Variants in PTPRD observed in about 807,000 individuals in gnomAD.
PTPRD encodes the protein protein tyrosine phosphatase receptor type D, also known as receptor-type tyrosine-protein phosphatase delta.
In PTPRD, 34 loss-of-function variants were observed where a neutral mutation model predicts 214.5. That is an observed-to-expected ratio of 0.16 (90% CI 0.12 to 0.21). PTPRD has a LOEUF of 0.21. PTPRD is among the 10% of genes least tolerant of loss of function. The pLI, the probability that PTPRD is intolerant of heterozygous loss-of-function variation, is 1.00. For synonymous variants in PTPRD, 1,128 were observed against 845.7 expected, an observed-to-expected ratio of 1.33 and a Z score of -5.79; for missense variants, 2,545 against 2,398.7, an observed-to-expected ratio of 1.06 and a Z score of -1.27.
intron 11 of PTPRD, among the ~76,000 whole-genome samples, chr9:8,831,571 G>A (rs1296093454): frequency 1.3e-5 from 2 of 152,052 alleles, no homozygotes; most frequent in Non-Finnish European, 2.9e-5. Context: ...AAACAACTGG[G>A]TGAGCAATAT....
chr9:9,060,542 T>C (rs1415292567), intron 10 of PTPRD, among the ~76,000 whole-genome samples: 1 of 151,952 alleles, frequency 6.6e-6, no homozygotes, highest in East Asian at 1.9e-4. Context: ...TTCTGTTCAA[T>C]GAAAGAAACT....
intron 11 of PTPRD, among the ~76,000 whole-genome samples, chr9:9,006,390 A>G (rs1414480862): frequency 6.6e-6 from 1 of 152,052 alleles, no homozygotes; most frequent in East Asian, 1.9e-4. Context: ...AAGAAAGTCT[A>G]TTTATGTTAA....
chr9:9,955,145 C>T (rs566387292), intron 4 of PTPRD, among the ~76,000 whole-genome samples: 1 of 152,122 alleles, frequency 6.6e-6, no homozygotes, highest in Non-Finnish European at 1.5e-5. Flanking sequence ...GTAGTCAGGT[C>T]CTCTTAAGTA....
chr9:8,811,791 G>A (rs962856243), intron 11 of PTPRD, among the ~76,000 whole-genome samples: 2 of 152,120 alleles, frequency 1.3e-5, no homozygotes, highest in Admixed American at 6.5e-5. Context: ...TACTGAAACT[G>A]GATTTTTCTT....
At chr9:8,453,935 G>A (rs1312155758) in intron 33 of PTPRD, among the ~76,000 whole-genome samples, 3 of 152,028 alleles carry the variant, frequency 2.0e-5, no homozygotes, top group Non-Finnish European at 4.4e-5. Flanking sequence ...ATTTTAATCG[G>A]GAATTTATAT....
intron 5 of PTPRD, among the ~76,000 whole-genome samples, chr9:9,836,731 C>A (rs898455982): frequency 6.6e-6 from 1 of 152,094 alleles, no homozygotes; most frequent in Non-Finnish European, 1.5e-5. Flanking sequence ...TGAATTTGAG[C>A]AAGTTATATA....
chr9:8,486,147 T>C lies in PTPRD; in HGVS notation c.2670A>G (p.Ser890=), dbSNP rs182231371. ...FTATDIHKGA[S]YVFRLSARNK... ...TTCTGGCTGAGAGCCTGAAGACGTA[T>C]GATGCTCCCTTGTGGATGTCTGTAG... The change falls in exon 28 of 46, where the codon TCA becomes TCG. Residue 890 remains serine, a synonymous_variant. Coordinates refer to ENST00000381196, the MANE Select transcript of PTPRD (RefSeq NM_002839.4). 4 of 1,614,222 alleles carry C rather than the reference T, an allele frequency of 2.5e-6. No individual in the cohort carries two copies. The highest frequency in any genetic ancestry group is 2.2e-5 in the East Asian group (1 of 44,878).
intron 35 of PTPRD, among the ~76,000 whole-genome samples, chr9:8,416,074 G>GA (rs5896245): frequency 0.5 from 75,243 of 151,354 alleles, 19,156 homozygotes; most frequent in East Asian, 0.72. Flanking sequence ...CCTTAAAAGT[G>GA]AAAAAAAATA....
At chr9:10,440,574 G>C (rs2098751975) in intron 2 of PTPRD, among the ~76,000 whole-genome samples, 1 of 151,694 alleles carries the variant, frequency 6.6e-6, no homozygotes, top group Non-Finnish European at 1.5e-5. Context: ...GAAAACAGCA[G>C]AGGCGCTGGT....
In PTPRD at chr9:9,934,778, G is replaced by T. The variant is rs1385101877; in HGVS notation, c.-368+3729C>A. Among the ~76,000 whole-genome samples the T allele has an allele frequency of 7.2e-5, 11 of 151,902 alleles. No homozygotes were observed. The East Asian group carries it at 7.8e-4, about 11-fold the overall frequency. ...GCCGGGCAGAGACACAACCAAAAAA[G>T]AGAATTTTAGACCAATATCCTTGAT... On this transcript the variant is annotated intron_variant, in intron 5 of 45. Coordinates refer to ENST00000381196, the MANE Select transcript of PTPRD (RefSeq NM_002839.4).
intron 11 of PTPRD, among the ~76,000 whole-genome samples, chr9:8,910,151 G>C (rs1254257764): frequency 6.6e-6 from 1 of 151,940 alleles, no homozygotes; most frequent in African/African-American, 2.4e-5. Flanking sequence ...CCCTTCTCCT[G>C]CCCCAGCCTC....
chr9:8,510,094 G>A (rs978697780), intron 21 of PTPRD, among the ~76,000 whole-genome samples: 1 of 151,934 alleles, frequency 6.6e-6, no homozygotes, highest in African/African-American at 2.4e-5. Context: ...GACCAGCCCA[G>A]GCAACATAGC....
intron 4 of PTPRD, among the ~76,000 whole-genome samples, chr9:9,954,297 C>CCA (rs1555388978): frequency 0.083 from 4,443 of 53,764 alleles, 631 homozygotes; most frequent in African/African-American, 0.22. Flanking sequence ...TGTCTCAAAA[C>CCA]AAAAAAAAAA....
intron 11 of PTPRD, among the ~76,000 whole-genome samples, chr9:8,754,270 T>A (rs2093790027): frequency 1.3e-5 from 2 of 152,166 alleles, no homozygotes; most frequent in Admixed American, 1.3e-4. Context: ...TTATAATTTA[T>A]AAGAAAATGC....
chr9:8,560,695 A>G (rs2085879781), intron 14 of PTPRD, among the ~76,000 whole-genome samples: 1 of 152,166 alleles, frequency 6.6e-6, no homozygotes, highest in Non-Finnish European at 1.5e-5. Context: ...AGGACCCTTT[A>G]AAGACTTTAA....
chr9:9,232,701 C>T (rs1178804035), intron 9 of PTPRD, among the ~76,000 whole-genome samples: 1 of 152,024 alleles, frequency 6.6e-6, no homozygotes, highest in East Asian at 1.9e-4. Flanking sequence ...CTAATTAGAT[C>T]AATCTGCTAG....
intron 37 of PTPRD, among the ~76,000 whole-genome samples, chr9:8,378,395 C>G (rs1436996019): frequency 2.0e-5 from 3 of 151,780 alleles, no homozygotes; most frequent in African/African-American, 7.3e-5. Flanking sequence ...ATAGAACCAA[C>G]ACTACTTCAG....
At chr9:9,067,478 T>A (rs1405207601) in intron 10 of PTPRD, among the ~76,000 whole-genome samples, 8 of 152,204 alleles carry the variant, frequency 5.3e-5, no homozygotes, top group Admixed American at 2.0e-4. Flanking sequence ...ATGAGTATAT[T>A]GTGAGCTCTA....
At chr9:8,414,036 A>C (rs1004358431) in intron 35 of PTPRD, among the ~76,000 whole-genome samples, 8 of 152,170 alleles carry the variant, frequency 5.3e-5, no homozygotes, top group African/African-American at 1.9e-4. Context: ...GCATACAGTG[A>C]ATTTTAAAAT....
Sources: gnomAD v4.1 joint callset for allele counts (sites outside exome capture counted in the v4.1 genomes callset) on GRCh38, gnomAD v4.1.1 for gene constraint, MANE v1.5 for transcripts, NCBI Gene and HGNC (gene_info 2026-07-23, HGNC 2026-07-21) for gene names.